PARVA: variants seen among roughly 807,000 people sequenced by gnomAD.
PARVA encodes alpha-parvin.
In PARVA, 25 loss-of-function variants were observed where a neutral mutation model predicts 52.6. The observed-to-expected ratio is 0.48, with a 90% CI of 0.35 to 0.66. The LOEUF (loss-of-function observed/expected upper bound fraction) is 0.66, where lower values mean the gene tolerates loss of function less well. PARVA is among the 30% of genes least tolerant of loss of function. PARVA has a pLI of 0.01. For synonymous variants in PARVA, 185 were observed against 179.1 expected, an observed-to-expected ratio of 1.03 and a Z score of -0.26; for missense variants, 373 against 450.9, an observed-to-expected ratio of 0.83 and a Z score of 1.56.
rs775338238 is a variant in PARVA, at chr11:12,473,967, T to C, written c.281T>C (p.Leu94Pro). The C allele has an allele frequency of 1.2e-5, 19 of 1,579,186 alleles. No homozygotes were observed. Among genetic ancestry groups the C allele is most frequent in the Non-Finnish European group, 1.5e-5 (18 of 1,162,560 alleles). Residue 94 changes from leucine (L) to proline (P), a missense_variant, in exon 3 of 13, where the codon CTT (leucine) becomes CCT (proline). Leu to Pro is a moderately conservative substitution (Grantham distance 98). Transcript: ENST00000334956. ...VDPNSRSDPK[L>P]QELMKVLIDW... The stretch of plus-strand genomic sequence containing the variant: ...CCAAACTCACGCAGTGACCCCAAGC[T>C]TCAAGAACTGATGAAGGTAAGAAGA...
chr11:12,446,398 C>T (rs1222538904), intron 1 of PARVA, among the ~76,000 whole-genome samples: 14 of 152,144 alleles, frequency 9.2e-5, no homozygotes, highest in Non-Finnish European at 1.5e-4. Flanking sequence ...CTCAAGAAGG[C>T]ATTATAATTT....
Position 12,385,814 on chromosome 11 carries a change from G to T in PARVA, c.136+8031G>T, listed in dbSNP as rs1939564593. ...CAGCTATTGAAGGAAGCATGTACGT[G>T]TACATGAGAATGTAAAAACCATTCT... On this transcript the variant is annotated intron_variant, in intron 1 of 12. Coordinates refer to ENST00000334956, the MANE Select transcript of PARVA (RefSeq NM_018222.5). 2.0e-5 allele frequency among the ~76,000 whole-genome samples: 3 copies of T among 152,150 alleles called. No individual in the cohort carries two copies. In the South Asian group the frequency reaches 6.2e-4, roughly 32 times the overall value.
At position 12,481,662 on chromosome 11, in the gene PARVA, G is replaced by C. The variant is rs138776824; in HGVS notation, c.400+3713G>C. Among the ~76,000 whole-genome samples the C allele has an allele frequency of 2.8e-3, 422 of 152,240 alleles. 2 individuals carry two copies. The highest frequency in any genetic ancestry group is 9.5e-3 in the African/African-American group (396 of 41,524). ...CTGTACCTAGGTACAGTGCCCTTAC[G>C]TGGTGGTATTAACTAGGCATGACTG... On this transcript the variant is annotated intron_variant, in intron 4 of 12. Coordinates refer to ENST00000334956, the MANE Select transcript of PARVA (RefSeq NM_018222.5).
At chr11:12,403,729 T>C (rs973667204) in intron 1 of PARVA, among the ~76,000 whole-genome samples, 2 of 152,220 alleles carry the variant, frequency 1.3e-5, no homozygotes, top group African/African-American at 4.8e-5. Flanking sequence ...ACCAAACAAC[T>C]CTAATGTCTA....
intron 9 of PARVA, 69 bp downstream of exon 9, chr11:12,513,429 C>A (rs915258624): frequency 7.2e-7 from 1 of 1,396,884 alleles, no homozygotes; most frequent in Non-Finnish European, 1.0e-6. Flanking sequence ...AAACCCATCC[C>A]TGCAGCTTGC....
At chr11:12,484,776 G>A (rs1431800706) in intron 4 of PARVA, among the ~76,000 whole-genome samples, 3 of 150,742 alleles carry the variant, frequency 2.0e-5, no homozygotes, top group Non-Finnish European at 3.0e-5. Context: ...TTTCAGGAAA[G>A]AGGGGGTATT....
chr11:12,513,382 T>G (rs1294405385), intron 9 of PARVA, 22 bp downstream of exon 9: 2 of 1,606,892 alleles, frequency 1.2e-6, no homozygotes, highest in Non-Finnish European at 1.7e-6. Flanking sequence ...GTGCCTGGGA[T>G]GGACAGAGGG....
At chr11:12,469,863 T>C (rs1357045134) in intron 1 of PARVA, among the ~76,000 whole-genome samples, 1 of 148,370 alleles carries the variant, frequency 6.7e-6, no homozygotes, top group Non-Finnish European at 1.5e-5. Flanking sequence ...TGAAAACATT[T>C]TTAACAATGA....
At chr11:12,509,898 C>G (rs1221133626) in intron 7 of PARVA, among the ~76,000 whole-genome samples, 3 of 152,152 alleles carry the variant, frequency 2.0e-5, no homozygotes, top group African/African-American at 7.2e-5. Context: ...GCTGGGCTTG[C>G]CTGTGCCCAC....
chr11:12,532,031 C>T lies in PARVA; in HGVS notation c.*4106C>T, dbSNP rs1941778354. ...CTCTGCTCCCTGAAAACTGTAACCC[C>T]AGGCTAGCTCCAAACTCTGCTTATA... On this transcript the variant is annotated 3_prime_UTR_variant, in exon 13 of 13. Coordinates refer to ENST00000334956, the MANE Select transcript of PARVA (RefSeq NM_018222.5). Among the ~76,000 whole-genome samples, 1 of 152,182 alleles carries T rather than the reference C, an allele frequency of 6.6e-6. No homozygotes were observed. Among genetic ancestry groups the T allele is most frequent in the African/African-American group, 2.4e-5 (1 of 41,438 alleles).
At chr11:12,487,617 C>CT (rs1227968466) in intron 4 of PARVA, among the ~76,000 whole-genome samples, 6 of 152,112 alleles carry the variant, frequency 3.9e-5, no homozygotes, top group Admixed American at 2.0e-4. Context: ...AATAGCCCTG[C>CT]TTGAAGATCC....
chr11:12,510,020 T>C (rs1241522270), intron 7 of PARVA, among the ~76,000 whole-genome samples: 5 of 152,200 alleles, frequency 3.3e-5, no homozygotes, highest in African/African-American at 1.2e-4. Context: ...CTCGGATGCA[T>C]GTTATGCTTT....
intron 4 of PARVA, among the ~76,000 whole-genome samples, chr11:12,488,035 G>A (rs1486979240): frequency 6.6e-6 from 1 of 152,158 alleles, no homozygotes; most frequent in African/African-American, 2.4e-5. Context: ...TAACCCATCA[G>A]TAGATATCAA....
At chr11:12,478,580 A>C (rs1941045230) in intron 4 of PARVA, 1 of 170,176 alleles carries the variant, frequency 5.9e-6, no homozygotes, top group Middle Eastern at 3.0e-3. Flanking sequence ...TTCAATCCTT[A>C]GCTGCCCTCT....
chr11:12,387,233 T>A (rs2134949338), intron 1 of PARVA, among the ~76,000 whole-genome samples: 1 of 152,352 alleles, frequency 6.6e-6, no homozygotes, highest in South Asian at 2.1e-4. Flanking sequence ...CTGAAATCAG[T>A]AGGAAATCCA....
intron 1 of PARVA, among the ~76,000 whole-genome samples, chr11:12,412,057 C>T (rs1471619566): frequency 2.0e-5 from 3 of 152,168 alleles, no homozygotes; most frequent in Non-Finnish European, 2.9e-5. Flanking sequence ...TTTAACTTAT[C>T]CTTCCTCCCT....
chr11:12,410,118 G>T (rs1197003107), intron 1 of PARVA, among the ~76,000 whole-genome samples: 1 of 152,190 alleles, frequency 6.6e-6, no homozygotes, highest in Non-Finnish European at 1.5e-5. Flanking sequence ...AATTGATCCA[G>T]GAGGGCAGGA....
At chr11:12,524,717 T>C (rs1271112673) in intron 12 of PARVA, among the ~76,000 whole-genome samples, 1 of 152,220 alleles carries the variant, frequency 6.6e-6, no homozygotes, top group Non-Finnish European at 1.5e-5. Context: ...CCACCCTCTC[T>C]GGAATTTTTT....
At chr11:12,390,603 ACTC>A (rs1206743947) in intron 1 of PARVA, among the ~76,000 whole-genome samples, 1 of 151,780 alleles carries the variant, frequency 6.6e-6, no homozygotes, top group Non-Finnish European at 1.5e-5. Context: ...TGGAATTAGA[ACTC>A]CTGGCCCTGC....
Sources: allele counts gnomAD v4.1 joint callset (sites outside exome capture counted in the v4.1 genomes callset), GRCh38; gene constraint gnomAD v4.1.1; transcripts MANE v1.5; gene names NCBI Gene and HGNC (gene_info 2026-07-23, HGNC 2026-07-21).